The following NRXN1 variants were observed in gnomAD, a reference collection of about 807,000 sequenced individuals.
The protein encoded by NRXN1 is neurexin 1, also known as neurexin-1.
Under a neutral mutation model 150.9 loss-of-function variants are expected in NRXN1, and 39 were observed. That is an observed-to-expected ratio of 0.26 (90% CI 0.20 to 0.34). NRXN1 has a LOEUF of 0.34. Among genes scored for constraint, NRXN1 ranks in the 10% least tolerant of loss-of-function variants. NRXN1 has a pLI of 1.00. For missense variants in NRXN1, 1,815 were observed against 1,949.9 expected, an observed-to-expected ratio of 0.93 and a Z score of 1.30; for synonymous variants, 924 against 757.0, an observed-to-expected ratio of 1.22 and a Z score of -3.62.
intron 15 of NRXN1, among the ~76,000 whole-genome samples, chr2:50,479,139 T>C (rs1046380260): frequency 6.6e-6 from 1 of 152,208 alleles, no homozygotes; most frequent in African/African-American, 2.4e-5. Flanking sequence ...TTGCTAAACT[T>C]TGAACTATCT....
chr2:50,220,316 A>C (rs1211053595), intron 18 of NRXN1, among the ~76,000 whole-genome samples: 3 of 151,840 alleles, frequency 2.0e-5, no homozygotes, highest in Non-Finnish European at 4.4e-5. Flanking sequence ...ACCAAGACAG[A>C]GTGTGCATAA....
chr2:50,492,509 G>A lies in NRXN1; in HGVS notation c.3070+3396C>T, dbSNP rs116706053. Among the ~76,000 whole-genome samples, 1,084 of 152,280 alleles carry A rather than the reference G, an allele frequency of 7.1e-3. 9 individuals are homozygous for A. The highest frequency in any genetic ancestry group is 0.024 in the African/African-American group (992 of 41,528). ...AGTCCTGTTCCTATAATGAAACAGA[G>A]CCACGGACAAAAGAATGCATCACTA... On this transcript the variant is annotated intron_variant, in intron 15 of 22. Transcript: ENST00000401669.
At chr2:50,810,449 C>A (rs1024990372) in intron 5 of NRXN1, among the ~76,000 whole-genome samples, 2 of 152,028 alleles carry the variant, frequency 1.3e-5, no homozygotes, top group South Asian at 4.2e-4. Flanking sequence ...TTTTAAAGAG[C>A]CAACACCTGA....
At chr2:50,012,761 G>A (rs570663447) in intron 21 of NRXN1, among the ~76,000 whole-genome samples, 1 of 152,212 alleles carries the variant, frequency 6.6e-6, no homozygotes, top group South Asian at 2.1e-4. Flanking sequence ...AAAAGAAGTA[G>A]TTGACCTTTT....
In NRXN1 at chr2:50,283,704, T is replaced by C. The variant is rs190941075; in HGVS notation, c.3365-46734A>G. 5.8e-3 allele frequency among the ~76,000 whole-genome samples: 876 copies of C among 152,276 alleles called. 12 individuals carry two copies. Among genetic ancestry groups the C allele is most frequent in the African/African-American group, 0.02 (851 of 41,546 alleles). ...TTCTACTGCACATAACTGTTACACA[T>C]TTGAATCTGTAACCAGGTTTTATGA... On this transcript the variant is annotated intron_variant, in intron 17 of 22. Transcript: ENST00000401669.
At chr2:50,013,484 C>A (rs781134888) in intron 21 of NRXN1, among the ~76,000 whole-genome samples, 3 of 151,884 alleles carry the variant, frequency 2.0e-5, no homozygotes, top group Non-Finnish European at 4.4e-5. Context: ...TTACTTTTGT[C>A]GTGGTTTATT....
chr2:50,317,849 G>A (rs1388512802), intron 17 of NRXN1, among the ~76,000 whole-genome samples: 2 of 152,002 alleles, frequency 1.3e-5, no homozygotes, highest in Non-Finnish European at 1.5e-5. Flanking sequence ...TCCTTTTATT[G>A]TCTGAGAGGA....
chr2:49,962,883 A>G (rs1676239382), intron 21 of NRXN1, among the ~76,000 whole-genome samples: 1 of 152,038 alleles, frequency 6.6e-6, no homozygotes, highest in Non-Finnish European at 1.5e-5. Flanking sequence ...AGCCCAGGAT[A>G]TGGAGACAGC....
At chr2:50,925,432 AT>A (rs1241462160) in intron 3 of NRXN1, among the ~76,000 whole-genome samples, 3 of 151,978 alleles carry the variant, frequency 2.0e-5, no homozygotes, top group Non-Finnish European at 4.4e-5. Flanking sequence ...CCAATGGCTT[AT>A]TTTTTAATCT....
In NRXN1 at chr2:50,872,227, G is replaced by A. The variant is rs931007330; in HGVS notation, c.832+49642C>T. On this transcript the variant is annotated intron_variant, in intron 5 of 22. Coordinates refer to ENST00000401669, the MANE Select transcript of NRXN1 (RefSeq NM_001330078.2). ...CAGCCACTATCTTCACGGAACTTAC[G>A]ATTTTGTGGGAGAGAGAGATGTGAG... Among the ~76,000 whole-genome samples the A allele has an allele frequency of 9.2e-5, 14 of 151,810 alleles. No individual in the cohort carries two copies. In the South Asian group the frequency reaches 1.7e-3, roughly 18 times the overall value.
chr2:49,993,118 T>C (rs924916983), intron 21 of NRXN1, among the ~76,000 whole-genome samples: 3 of 152,208 alleles, frequency 2.0e-5, no homozygotes, highest in Non-Finnish European at 4.4e-5. Context: ...GAGATGCTTA[T>C]AGCGGCTTTA....
intron 5 of NRXN1, among the ~76,000 whole-genome samples, chr2:50,639,667 C>T (rs1055797315): frequency 7.9e-5 from 12 of 152,008 alleles, no homozygotes; most frequent in African/African-American, 2.9e-4. Context: ...ATCCTAGATA[C>T]CTAATTTTAT....
At chr2:50,141,193 G>C (rs1435995847) in intron 18 of NRXN1, among the ~76,000 whole-genome samples, 2 of 151,974 alleles carry the variant, frequency 1.3e-5, no homozygotes, top group East Asian at 1.9e-4. Context: ...GAACATTATA[G>C]AGGACTACCT....
At chr2:50,575,223 C>T (rs1671239483) in intron 8 of NRXN1, among the ~76,000 whole-genome samples, 1 of 152,198 alleles carries the variant, frequency 6.6e-6, no homozygotes, top group Admixed American at 6.5e-5. Context: ...ACTCTTATTG[C>T]AGATCATTTT....
chr2:50,220,046 A>C (rs1336380463), intron 18 of NRXN1, among the ~76,000 whole-genome samples: 2 of 133,112 alleles, frequency 1.5e-5, no homozygotes, highest in African/African-American at 5.8e-5. Context: ...ATTCCTAAAT[A>C]AGTGGCTCTC....
intron 2 of NRXN1, among the ~76,000 whole-genome samples, chr2:50,951,960 TATA>T (rs1354456702): frequency 1.3e-3 from 128 of 97,126 alleles, no homozygotes; most frequent in African/African-American, 4.3e-3. Flanking sequence ...TATATATATA[TATA>T]TTTTTTTTTT....
chr2:50,207,399 A>C (rs1189730457), intron 18 of NRXN1: 1 of 152,080 alleles, frequency 6.6e-6, no homozygotes, highest in African/African-American at 2.4e-5. Context: ...AATGGAAAAA[A>C]TATTTTTTTA....
chr2:50,926,093 G>C, intron 2 of NRXN1, 138 bp from the exon 3 acceptor site: 1 of 708,750 alleles, frequency 1.4e-6, no homozygotes. Flanking sequence ...TATCATTCAA[G>C]GGGGAAAACA....
At chr2:50,528,601 T>C in intron 12 of NRXN1, 24 bp downstream of exon 12, 1 of 1,363,566 alleles carries the variant, frequency 7.3e-7, no homozygotes, top group South Asian at 1.2e-5. Flanking sequence ...AATAACATTT[T>C]AAAAATTTTG....
Sources: allele counts gnomAD v4.1 joint callset (sites outside exome capture counted in the v4.1 genomes callset), GRCh38; gene constraint gnomAD v4.1.1; transcripts MANE v1.5; gene names NCBI Gene and HGNC (gene_info 2026-07-23, HGNC 2026-07-21).